The following DLGAP5 variants were observed in gnomAD, a reference collection of about 807,000 sequenced individuals.
DLGAP5 encodes the protein DLG associated protein 5, also known as disks large-associated protein 5.
Under a neutral mutation model 99.6 loss-of-function variants are expected in DLGAP5, and 90 were observed. The ratio of observed to expected loss-of-function variants is 0.90; its 90% CI spans 0.76 to 1.08. The LOEUF (loss-of-function observed/expected upper bound fraction) is 1.08. DLGAP5 is among the 50% of genes least tolerant of loss of function. The pLI, the probability that DLGAP5 is intolerant of heterozygous loss-of-function variation, is 0.00. For synonymous variants in DLGAP5, 311 were observed against 321.3 expected (o/e 0.97, Z 0.34); for missense variants, 1,036 against 983.5 (o/e 1.05, Z -0.71).
chr14:55,158,683 G>A lies in DLGAP5; in HGVS notation c.1712C>T (p.Ala571Val), dbSNP rs755262255. The part of the protein sequence containing the change: ...KPKQDDAGRI[A>V]ARNRLAAIKN... Reference sequence around the variant, plus strand: ...TATGGCAGCTAGGCGATTTCTCGCTGCAATTCTTCCAGCATCATCCTGTTT... The same window carrying A: ...TATGGCAGCTAGGCGATTTCTCGCTACAATTCTTCCAGCATCATCCTGTTT... Residue 571 changes from alanine to valine, a missense_variant, in exon 14 of 19, where the codon GCA becomes GTA. Ala to Val is a moderately conservative substitution (Grantham distance 64). Transcript: ENST00000247191. 1.7e-5 allele frequency: 27 copies of A among 1,613,872 alleles called. No individual in the cohort carries two copies. The highest frequency in any genetic ancestry group is 2.0e-5 in the Non-Finnish European group (24 of 1,180,006).
At chr14:55,166,820 AT>A (rs1167948065) in intron 12 of DLGAP5, among the ~76,000 whole-genome samples, 1 of 151,800 alleles carries the variant, frequency 6.6e-6, no homozygotes. Flanking sequence ...TGAACTGTAC[AT>A]TTCAAATGAA....
intron 12 of DLGAP5, among the ~76,000 whole-genome samples, chr14:55,163,286 AAAG>A (rs1272305092): frequency 6.6e-6 from 1 of 152,258 alleles, no homozygotes; most frequent in Non-Finnish European, 1.5e-5. Context: ...AAATCTACAT[AAAG>A]AATATCATAC....
At chr14:55,187,791 C>T (rs1039681133) in intron 2 of DLGAP5, among the ~76,000 whole-genome samples, 10 of 152,122 alleles carry the variant, frequency 6.6e-5, no homozygotes, top group African/African-American at 1.9e-4. Flanking sequence ...GACTCCAAAG[C>T]GATCCTTTTA....
At chr14:55,169,350 A>T in intron 12 of DLGAP5, 49 bp downstream of exon 12, 1 of 1,308,892 alleles carries the variant, frequency 7.6e-7, no homozygotes, top group Non-Finnish European at 1.0e-6. Context: ...CTTAAAAAAA[A>T]AAAAAAAAAA....
intron 2 of DLGAP5, among the ~76,000 whole-genome samples, chr14:55,185,558 C>A (rs1420081476): frequency 6.6e-6 from 1 of 152,044 alleles, no homozygotes; most frequent in African/African-American, 2.4e-5. Context: ...GCAATCTTGG[C>A]TCACTGCAAC....
chr14:55,170,911 G>A, intron 10 of DLGAP5, 124 bp from the exon 11 acceptor site: 3 of 652,072 alleles, frequency 4.6e-6, no homozygotes, highest in Non-Finnish European at 8.1e-6. Context: ...TTTTCCCAAA[G>A]TTGATACTGA....
chr14:55,153,050 G>A (rs17128262), intron 15 of DLGAP5, among the ~76,000 whole-genome samples: 12,544 of 152,062 alleles, frequency 0.082, 1,388 homozygotes, highest in African/African-American at 0.25. Context: ...TGTTAATCCA[G>A]GTACCTGCTA....
rs1463070671 is a variant in DLGAP5, at chr14:55,175,839, T to C, written c.1174+55A>G. On this transcript the variant is annotated intron_variant, in intron 9 of 18. Coordinates refer to ENST00000247191, the MANE Select transcript of DLGAP5 (RefSeq NM_014750.5). ...GTAATTACTATACCTGAAAGCAAAA[T>C]ATTTTTTGTATTAACATTATTCTAA... 6 of 1,432,820 alleles carry C rather than the reference T, an allele frequency of 4.2e-6. No individual in the cohort carries two copies. The East Asian group carries it at 1.3e-4, about 30-fold the overall frequency. 88.8% of individuals were successfully genotyped at this position (1,432,820 alleles called of 1,614,324 possible).
chr14:55,157,091 T>A (rs553604490), intron 14 of DLGAP5, among the ~76,000 whole-genome samples: 1 of 152,198 alleles, frequency 6.6e-6, no homozygotes, highest in African/African-American at 2.4e-5. Flanking sequence ...TTGAAAGTAG[T>A]TGCTTCTAGG....
In DLGAP5 at chr14:55,182,435, T is replaced by C. The variant is rs1263210600; in HGVS notation, c.433-3A>G. ...ATCCGTACAGAAGATGGAATAGCCT[T>C]AGAACAGTCAAAAGAAGATGAACTT... On this transcript the variant is annotated splice_polypyrimidine_tract_variant and splice_region_variant and intron_variant, in intron 3 of 18. Transcript: ENST00000247191. The C allele has an allele frequency of 3.1e-6, 5 of 1,606,714 alleles. No individual in the cohort carries two copies. In the African/African-American group the frequency reaches 4.1e-5, roughly 13 times the overall value.
At chr14:55,149,783 C>A (rs1045612870) in intron 18 of DLGAP5, among the ~76,000 whole-genome samples, 1 of 138,008 alleles carries the variant, frequency 7.2e-6, no homozygotes, top group Non-Finnish European at 1.5e-5. Flanking sequence ...CGGTGGCTCA[C>A]GCCTGTAATC....
chr14:55,160,467 TGA>T (rs957168348), intron 13 of DLGAP5, among the ~76,000 whole-genome samples: 3 of 152,016 alleles, frequency 2.0e-5, no homozygotes, highest in Admixed American at 2.0e-4. Flanking sequence ...TTGTTATTTT[TGA>T]GAGAGTCTTG....
chr14:55,161,842 C>T (rs1230833172), intron 13 of DLGAP5, among the ~76,000 whole-genome samples: 1 of 130,874 alleles, frequency 7.6e-6, no homozygotes, highest in African/African-American at 2.9e-5. Flanking sequence ...CCACTGCACT[C>T]CAGCCTGGGC....
intron 17 of DLGAP5, among the ~76,000 whole-genome samples, chr14:55,151,185 T>C (rs201953074): frequency 1.3e-5 from 2 of 152,214 alleles, no homozygotes; most frequent in East Asian, 3.8e-4. Flanking sequence ...GACTAACTGA[T>C]GAAAATGGCA....
chr14:55,163,122 A>C, intron 12 of DLGAP5, 47 bp from the exon 13 acceptor site: 1 of 1,230,580 alleles, frequency 8.1e-7, no homozygotes, highest in Non-Finnish European at 1.1e-6. Context: ...GCCATATTAA[A>C]GTTATAAACG....
At chr14:55,186,107 C>A (rs143843385) in intron 2 of DLGAP5, among the ~76,000 whole-genome samples, 1 of 152,062 alleles carries the variant, frequency 6.6e-6, no homozygotes, top group Non-Finnish European at 1.5e-5. Flanking sequence ...CCTGTCTCTA[C>A]TAAAAATACA....
In DLGAP5 at chr14:55,150,785, G is replaced by A. The variant is rs1881987003; in HGVS notation, c.2418+14C>T. On this transcript the variant is annotated intron_variant, in intron 18 of 18. Transcript: ENST00000247191. The stretch of plus-strand genomic sequence containing the variant: ...TCTAGAATATAAAGGGACTTGTCAA[G>A]TTGGAAAACTTACTGAATCAAGAAG... The A allele has an allele frequency of 6.4e-7, 1 of 1,560,744 alleles. No individual in the cohort carries two copies. Among genetic ancestry groups the A allele is most frequent in the Non-Finnish European group, 8.6e-7 (1 of 1,157,916 alleles).
intron 7 of DLGAP5, among the ~76,000 whole-genome samples, chr14:55,178,823 G>GAT (rs567455118): frequency 4.5e-4 from 68 of 152,264 alleles, no homozygotes; most frequent in Non-Finnish European, 8.8e-4. Context: ...GAAGTAGGTG[G>GAT]ATCACCTGAG....
intron 14 of DLGAP5, among the ~76,000 whole-genome samples, chr14:55,155,504 G>A (rs571018783): frequency 2.1e-3 from 312 of 147,006 alleles, no homozygotes; most frequent in Non-Finnish European, 3.6e-3. Flanking sequence ...CCGCCACCAC[G>A]CCTGGCTAAT....
Sources: allele counts gnomAD v4.1 joint callset (sites outside exome capture counted in the v4.1 genomes callset), GRCh38; gene constraint gnomAD v4.1.1; transcripts MANE v1.5; gene names NCBI Gene and HGNC (gene_info 2026-07-23, HGNC 2026-07-21).